Variants in STK3 observed in about 807,000 individuals in gnomAD.
STK3 encodes the protein serine/threonine kinase 3, also known as serine/threonine-protein kinase 3.
In STK3, 41 loss-of-function variants were observed where a neutral mutation model predicts 58.0. The ratio of observed to expected loss-of-function variants is 0.71; its 90% CI spans 0.55 to 0.92. The LOEUF (loss-of-function observed/expected upper bound fraction) is 0.92. Among genes scored for constraint, STK3 ranks in the 40% least tolerant of loss-of-function variants. The pLI is 0.00. For missense variants in STK3, 479 were observed against 602.7 expected (o/e 0.79, Z 2.15); for synonymous variants, 170 against 191.0 (o/e 0.89, Z 0.91).
Position 98,427,984 on chromosome 8 carries a change from C to A in STK3, n.483+6143G>T, listed in dbSNP as rs773390011. ...CGGGCGGCCGGCGCCTCCAGCATGA[C>A]CGGCCAGAGCCTGTGGGACGTGTCG... On this transcript the variant is annotated intron_variant and non_coding_transcript_variant, in intron 3 of 3. Coordinates refer to the STK3 transcript ENST00000517832. 5.9e-6 allele frequency: 9 copies of A among 1,534,544 alleles called. No individual in the cohort carries two copies. In the South Asian group the frequency reaches 9.7e-5, roughly 17 times the overall value.
In STK3 at chr8:98,516,476, C is replaced by A. The variant is rs980880686; in HGVS notation, c.1317+10266G>T. Among the ~76,000 whole-genome samples, 5 of 151,914 alleles carry A rather than the reference C, an allele frequency of 3.3e-5. No individual in the cohort carries two copies. The East Asian group carries it at 9.6e-4, about 29-fold the overall frequency. On this transcript the variant is annotated intron_variant, in intron 10 of 10. Transcript: ENST00000419617. Reference sequence around the variant, plus strand: ...AGAATATTTTTTCTAGAAGAATATACCTCTAATTTTATAATAAAAGATGGA... The same window carrying A: ...AGAATATTTTTTCTAGAAGAATATAACTCTAATTTTATAATAAAAGATGGA...
intron 3 of STK3, among the ~76,000 whole-genome samples, chr8:98,877,497 T>C (rs1456442830): frequency 1.3e-5 from 2 of 152,222 alleles, no homozygotes; most frequent in Admixed American, 6.5e-5. Flanking sequence ...TTTTGGTTTT[T>C]TTTGAGATGG....
At chr8:98,523,996 A>G (rs1402944778) in intron 10 of STK3, among the ~76,000 whole-genome samples, 5 of 152,204 alleles carry the variant, frequency 3.3e-5, no homozygotes, top group Admixed American at 3.3e-4. Flanking sequence ...TTCTTACTGT[A>G]AGATCTTTGG....
At chr8:98,674,569 T>G (rs961645994) in intron 6 of STK3, among the ~76,000 whole-genome samples, 1 of 152,076 alleles carries the variant, frequency 6.6e-6, no homozygotes, top group Non-Finnish European at 1.5e-5. Context: ...ATATCAAACT[T>G]AACACATTTA....
At chr8:98,472,664 ATG>A (rs1335515945) in intron 10 of STK3, among the ~76,000 whole-genome samples, 1 of 152,150 alleles carries the variant, frequency 6.6e-6, no homozygotes, top group East Asian at 1.9e-4. Context: ...AAAATCTAAG[ATG>A]TTCCAAATGA....
chr8:98,647,718 G>C (rs1054201935), intron 6 of STK3, among the ~76,000 whole-genome samples: 1 of 152,080 alleles, frequency 6.6e-6, no homozygotes, highest in Non-Finnish European at 1.5e-5. Flanking sequence ...TGTTTCCAAG[G>C]CTGGTGTTGA....
At chr8:98,838,466 T>C (rs1336300909) in intron 3 of STK3, among the ~76,000 whole-genome samples, 1 of 152,018 alleles carries the variant, frequency 6.6e-6, no homozygotes, top group Non-Finnish European at 1.5e-5. Flanking sequence ...CCTAGATAAA[T>C]GTGTACTGGT....
At chr8:98,927,671 T>G (rs941443674) in intron 1 of STK3, among the ~76,000 whole-genome samples, 1 of 152,254 alleles carries the variant, frequency 6.6e-6, no homozygotes, top group South Asian at 2.1e-4. Flanking sequence ...GTGGTAGAGA[T>G]AGACTGTGTA....
At chr8:98,626,501 C>A (rs1350980323) in intron 6 of STK3, among the ~76,000 whole-genome samples, 1 of 152,102 alleles carries the variant, frequency 6.6e-6, no homozygotes, top group Non-Finnish European at 1.5e-5. Flanking sequence ...GCAGCAGAGA[C>A]CATATAACTT....
At chr8:98,833,804 G>C (rs1419030861) in intron 3 of STK3, among the ~76,000 whole-genome samples, 1 of 152,140 alleles carries the variant, frequency 6.6e-6, no homozygotes, top group South Asian at 2.1e-4. Context: ...TCAGTTGAGG[G>C]GGGTTAGATT....
At chr8:98,427,982 G>T in intron 3 of STK3, 2 of 1,533,658 alleles carry the variant, frequency 1.3e-6, no homozygotes, top group South Asian at 2.4e-5. Context: ...CCTCCAGCAT[G>T]ACCGGCCAGA....
At chr8:98,681,427 C>T (rs1397546838) in intron 6 of STK3, among the ~76,000 whole-genome samples, 2 of 151,794 alleles carry the variant, frequency 1.3e-5, no homozygotes, top group African/African-American at 2.4e-5. Context: ...CACAGCAAAG[C>T]CAAAACTGTA....
rs1303795489 is a variant in STK3 at position 98,589,545 on chromosome 8, CTTT to C, written c.822+6484_822+6486del. Among the ~76,000 whole-genome samples, 10 of 152,358 alleles carry C rather than the reference CTTT, an allele frequency of 6.6e-5. No individual in the cohort carries two copies. The South Asian group carries it at 1.9e-3, about 28-fold the overall frequency. On this transcript the variant is annotated intron_variant, in intron 7 of 10. Coordinates refer to ENST00000419617, the MANE Select transcript of STK3 (RefSeq NM_006281.4). Reference sequence around the variant, plus strand: ...TTAAGTCTGCAGAGGTTACTGCTGTCTTTTTGTTTGTCTGTGCCCTGCCCCCAG... The same window carrying C: ...TTAAGTCTGCAGAGGTTACTGCTGTCTTGTTTGTCTGTGCCCTGCCCCCAG...
intron 9 of STK3, among the ~76,000 whole-genome samples, chr8:98,527,438 G>C (rs1825831854): frequency 6.6e-6 from 1 of 151,964 alleles, no homozygotes; most frequent in African/African-American, 2.4e-5. Flanking sequence ...AAGCAACATA[G>C]TGAAACTCTG....
chr8:98,495,401 C>T (rs1379504363), intron 10 of STK3, among the ~76,000 whole-genome samples: 1 of 151,684 alleles, frequency 6.6e-6, no homozygotes, highest in East Asian at 1.9e-4. Flanking sequence ...ATACTTAATT[C>T]AAAGGCCATG....
At chr8:98,545,087 T>C (rs1438187241) in intron 9 of STK3, among the ~76,000 whole-genome samples, 2 of 152,172 alleles carry the variant, frequency 1.3e-5, no homozygotes, top group African/African-American at 4.8e-5. Context: ...TCCTACCCCA[T>C]CAGTTTGATG....
At chr8:98,744,876 G>A (rs2131335128) in intron 4 of STK3, among the ~76,000 whole-genome samples, 1 of 151,406 alleles carries the variant, frequency 6.6e-6, no homozygotes. Context: ...AGAAAATTGT[G>A]TTAGGACAAT....
intron 1 of STK3, among the ~76,000 whole-genome samples, chr8:98,791,145 C>G (rs1461801952): frequency 2.0e-5 from 3 of 152,142 alleles, no homozygotes; most frequent in Non-Finnish European, 2.9e-5. Context: ...CATTAATGTA[C>G]ACAATCAGTA....
intron 6 of STK3, among the ~76,000 whole-genome samples, chr8:98,688,656 C>T (rs1013426965): frequency 3.9e-5 from 6 of 152,028 alleles, no homozygotes; most frequent in African/African-American, 1.4e-4. Context: ...AACTAAACAA[C>T]GTGCTCCTGA....
Sources: gnomAD v4.1 joint callset for allele counts (sites outside exome capture counted in the v4.1 genomes callset) on GRCh38, gnomAD v4.1.1 for gene constraint, MANE v1.5 for transcripts, NCBI Gene and HGNC (gene_info 2026-07-23, HGNC 2026-07-21) for gene names.